Variants in INSR observed in about 807,000 individuals in gnomAD.
The protein encoded by INSR is insulin receptor, also known as IR.
INSR carries 67 observed loss-of-function variants against 142.6 expected under a neutral mutation model. The ratio of observed to expected loss-of-function variants is 0.47; its 90% CI spans 0.39 to 0.58. The LOEUF (loss-of-function observed/expected upper bound fraction) is 0.58. INSR is among the 20% of genes least tolerant of loss of function. The pLI is 0.00. For missense variants in INSR, 1,248 were observed against 1,833.2 expected, an observed-to-expected ratio of 0.68 and a Z score of 5.83; for synonymous variants, 756 against 743.1, an observed-to-expected ratio of 1.02 and a Z score of -0.28.
At chr19:7,269,892 C>A (rs1013141613) in intron 1 of INSR, among the ~76,000 whole-genome samples, 4 of 152,016 alleles carry the variant, frequency 2.6e-5, no homozygotes, top group African/African-American at 9.7e-5. Context: ...TAAGTATATC[C>A]CATGTAATGT....
intron 13 of INSR, among the ~76,000 whole-genome samples, chr19:7,141,116 C>T (rs1378049097): frequency 6.6e-6 from 1 of 152,152 alleles, no homozygotes; most frequent in East Asian, 1.9e-4. Context: ...AATCTCTGCT[C>T]ACTGCAACCT....
At chr19:7,237,039 A>G (rs1379110952) in intron 2 of INSR, among the ~76,000 whole-genome samples, 1 of 151,772 alleles carries the variant, frequency 6.6e-6, no homozygotes, top group Non-Finnish European at 1.5e-5. Flanking sequence ...AAAAAAAAAA[A>G]AAAAGATACA....
chr19:7,237,827 T>TA (rs201048204), intron 2 of INSR, among the ~76,000 whole-genome samples: 119 of 145,546 alleles, frequency 8.2e-4, no homozygotes, highest in Non-Finnish European at 1.2e-4. Flanking sequence ...AAAAAATAAA[T>TA]AAATAAAATT....
chr19:7,141,908 C>T (rs771287326), intron 12 of INSR, 92 bp from the exon 13 acceptor site: 47 of 1,002,070 alleles, frequency 4.7e-5, no homozygotes, highest in East Asian at 7.5e-5. Flanking sequence ...GGGCTGGTGA[C>T]GTCATTTTCC....
chr19:7,164,092 T>TAAAAAA (rs4031077), intron 8 of INSR, among the ~76,000 whole-genome samples: 1 of 80,272 alleles, frequency 1.2e-5, no homozygotes, highest in Non-Finnish European at 2.3e-5. Flanking sequence ...GAAACTCCGT[T>TAAAAAA]AAAAAAAAAA....
At chr19:7,130,219 A>G (rs1599879429) in intron 14 of INSR, among the ~76,000 whole-genome samples, 1 of 152,224 alleles carries the variant, frequency 6.6e-6, no homozygotes, top group Non-Finnish European at 1.5e-5. Context: ...GGAATACTAC[A>G]CAGCCATGAA....
intron 1 of INSR, among the ~76,000 whole-genome samples, chr19:7,273,413 A>G (rs1295141455): frequency 2.6e-5 from 4 of 152,058 alleles, no homozygotes; most frequent in African/African-American, 7.2e-5. Context: ...GGATGCTTCA[A>G]GTTCTTCATA....
intron 9 of INSR, 127 bp from the exon 10 acceptor site, chr19:7,153,054 C>T (rs2144893351): frequency 4.7e-6 from 1 of 214,876 alleles, no homozygotes; most frequent in Non-Finnish European, 9.1e-6. Context: ...CACACCCCCC[C>T]ACACACACAC....
chr19:7,197,649 A>AGT (rs1215739340), intron 2 of INSR, among the ~76,000 whole-genome samples: 1 of 81,864 alleles, frequency 1.2e-5, no homozygotes, highest in East Asian at 3.5e-4. Context: ...CCAGAGTGGG[A>AGT]GTGTGTGTGT....
intron 6 of INSR, among the ~76,000 whole-genome samples, chr19:7,169,691 T>C (rs550507107): frequency 2.6e-5 from 4 of 152,194 alleles, no homozygotes; most frequent in African/African-American, 9.6e-5. Flanking sequence ...TCCCAGGAGA[T>C]GCAGACTGAC....
chr19:7,135,734 G>T (rs1345423287), intron 13 of INSR, among the ~76,000 whole-genome samples: 1 of 151,890 alleles, frequency 6.6e-6, no homozygotes, highest in Non-Finnish European at 1.5e-5. Flanking sequence ...ACTTTGGAAG[G>T]CCGAGGCGGG....
intron 21 of INSR, among the ~76,000 whole-genome samples, chr19:7,117,921 T>TC (rs1421008710): frequency 2.0e-5 from 3 of 151,304 alleles, no homozygotes; most frequent in Non-Finnish European, 4.4e-5. Flanking sequence ...TTTTTTTTTT[T>TC]TGAGACAGGG....
intron 2 of INSR, among the ~76,000 whole-genome samples, chr19:7,212,546 G>T (rs542764762): frequency 1.3e-5 from 2 of 152,248 alleles, no homozygotes; most frequent in South Asian, 4.1e-4. Context: ...AGTCTAGCAG[G>T]CAGGCAGGCA....
Position 7,184,522 on chromosome 19 carries a change from G to T in INSR, c.768C>A (p.Arg256=), listed in dbSNP as rs1189180851. ...PDDPTKCVAC[R]NFYLDGRCVE... ...CACACCTGCCGTCCAGGTAGAAGTT[G>T]CGGCAGGCCACGCACTTGGTGGGGT... Residue 256 remains arginine, a synonymous_variant, in exon 3 of 22, where the codon CGC becomes CGA. Transcript: ENST00000302850. 5.6e-6 allele frequency: 9 copies of T among 1,613,908 alleles called. No individual in the cohort carries two copies. Among genetic ancestry groups the T allele is most frequent in the Non-Finnish European group, 7.6e-6 (9 of 1,180,026 alleles).
intron 3 of INSR, among the ~76,000 whole-genome samples, chr19:7,177,702 A>ATTTTTTTTTTT (rs71177166): frequency 3.3e-5 from 3 of 90,662 alleles, no homozygotes; most frequent in Non-Finnish European, 4.1e-5. Flanking sequence ...CTAATTTTGT[A>ATTTTTTTTTTT]TTTTTTTTTT....
intron 2 of INSR, among the ~76,000 whole-genome samples, chr19:7,190,539 T>C (rs935532105): frequency 6.6e-6 from 1 of 152,044 alleles, no homozygotes; most frequent in Non-Finnish European, 1.5e-5. Flanking sequence ...GCCCAGCTAA[T>C]TTTTGTATTT....
chr19:7,187,570 C>T (rs757479993), intron 2 of INSR, among the ~76,000 whole-genome samples: 2 of 151,950 alleles, frequency 1.3e-5, no homozygotes, highest in Non-Finnish European at 2.9e-5. Flanking sequence ...AAATGTGTAA[C>T]GATTTCTTTT....
rs555144543 is a variant in INSR, at chr19:7,119,857, C to T, written c.3660-274G>A. Among the ~76,000 whole-genome samples, 4 of 44,860 alleles carry T rather than the reference C, an allele frequency of 8.9e-5. No individual in the cohort carries two copies. The Admixed American group carries it at 1.3e-3, about 15-fold the overall frequency. 29.4% of individuals were successfully genotyped at this position (44,860 alleles called of 152,430 possible). A position where few individuals can be genotyped will look rare whatever the true frequency, so the allele number is the denominator to read the frequency against. ...ACACACACCCAAACACACACACGCA[C>T]ACACATGCAAACACACACAAACACA... On this transcript the variant is annotated intron_variant, in intron 20 of 21. Coordinates refer to ENST00000302850, the MANE Select transcript of INSR (RefSeq NM_000208.4). The surrounding 1 kb of genome is among the most constrained non-coding windows in gnomAD (Gnocchi z 5.2).
At chr19:7,154,986 A>G (rs1973552689) in intron 9 of INSR, among the ~76,000 whole-genome samples, 1 of 152,170 alleles carries the variant, frequency 6.6e-6, no homozygotes, top group African/African-American at 2.4e-5. Flanking sequence ...AGGTAACCAG[A>G]CAATGCTTCT....
Sources: gnomAD v4.1 joint callset for allele counts (sites outside exome capture counted in the v4.1 genomes callset) on GRCh38, gnomAD v4.1.1 for gene constraint, Gnocchi (gnomAD v3.1) non-coding constraint, MANE v1.5 for transcripts, NCBI Gene and HGNC (gene_info 2026-07-23, HGNC 2026-07-21) for gene names.